DNASE1: variants seen among roughly 807,000 people sequenced by gnomAD.
DNASE1 encodes deoxyribonuclease 1, also known as deoxyribonuclease-1.
Under a neutral mutation model 33.9 loss-of-function variants are expected in DNASE1, and 40 were observed. The ratio of observed to expected loss-of-function variants is 1.18; its 90% CI spans 0.92 to 1.54. The LOEUF (loss-of-function observed/expected upper bound fraction) is 1.54, where lower values mean the gene tolerates loss of function less well. Among genes scored for constraint, DNASE1 ranks in the 40% most tolerant of loss-of-function variants. DNASE1 has a pLI of 0.00. For missense variants in DNASE1, 518 were observed against 372.6 expected (o/e 1.39, Z -3.21); for synonymous variants, 216 against 160.0 (o/e 1.35, Z -2.64).
intron 1 of DNASE1, among the ~76,000 whole-genome samples, chr16:3,644,514 G>T (rs1316124022): frequency 6.6e-6 from 1 of 151,966 alleles, no homozygotes; most frequent in African/African-American, 2.4e-5. Context: ...AGTGAGCCAA[G>T]ATTGCACCCC....
chr16:3,623,053 A>C (rs558365962), intron 1 of DNASE1, among the ~76,000 whole-genome samples: 51 of 152,118 alleles, frequency 3.4e-4, no homozygotes, highest in South Asian at 1.2e-3. Context: ...ACGTCCCCCC[A>C]AAAAAATTAG....
Position 3,655,585 on chromosome 16 carries a change from G to GC in DNASE1, c.147+67dup. ...CTGGAGTCTAGGGCTGGTGGGCAGG[G>GC]CCAGCCCTATGGAGCCACAGGGTGT... On this transcript the variant is annotated intron_variant, in intron 2 of 8. Coordinates refer to ENST00000246949, the MANE Select transcript of DNASE1 (RefSeq NM_005223.4). 6 of 1,606,894 alleles carry GC rather than the reference G, an allele frequency of 3.7e-6. No individual in the cohort carries two copies. In the Middle Eastern group the frequency reaches 9.9e-4, roughly 266 times the overall value.
chr16:3,615,541 G>A (rs905507225), intron 1 of DNASE1, among the ~76,000 whole-genome samples: 3 of 152,190 alleles, frequency 2.0e-5, no homozygotes, highest in African/African-American at 7.2e-5. Flanking sequence ...CATTTGAGGC[G>A]GAAACCCACT....
intron 1 of DNASE1, among the ~76,000 whole-genome samples, chr16:3,633,748 C>T (rs2041776369): frequency 6.6e-6 from 1 of 152,136 alleles, no homozygotes; most frequent in Non-Finnish European, 1.5e-5. Context: ...TCAGTTCATC[C>T]TTACTGTCCC....
At chr16:3,615,067 T>A (rs1290740337) in intron 1 of DNASE1, among the ~76,000 whole-genome samples, 1 of 130,812 alleles carries the variant, frequency 7.6e-6, no homozygotes, top group Non-Finnish European at 1.7e-5. Flanking sequence ...ACCTGTGGAA[T>A]TTTTTTTTTT....
In DNASE1 at chr16:3,657,727, G is replaced by T. The variant is rs200149984; in HGVS notation, c.712G>T (p.Val238Phe). 2 of 1,614,052 alleles carry T rather than the reference G, an allele frequency of 1.2e-6. No homozygotes were observed. Among genetic ancestry groups the T allele is most frequent in the East Asian group, 2.2e-5 (1 of 44,884 alleles). ...PTHCAYDRIV[V>F]AGMLLRGAVV... is the part of the protein sequence containing the mutation. ...CTTCCCAACACCCATCAGGATCGTG[G>T]TTGCAGGGATGCTGCTCCGAGGCGC... Residue 238 changes from valine (V) to phenylalanine (F), a missense_variant, in exon 8 of 9, where the codon GTT (valine) becomes TTT (phenylalanine). Val to Phe is a conservative substitution (Grantham distance 50). Transcript: ENST00000246949.
chr16:3,636,625 C>G (rs556998731), intron 1 of DNASE1, among the ~76,000 whole-genome samples: 79 of 151,674 alleles, frequency 5.2e-4, no homozygotes, highest in South Asian at 3.7e-3. Flanking sequence ...AGTTCAAGAC[C>G]AGCCTGGGCA....
At chr16:3,644,748 G>T (rs1231373645) in intron 1 of DNASE1, among the ~76,000 whole-genome samples, 1 of 144,106 alleles carries the variant, frequency 6.9e-6, no homozygotes, top group African/African-American at 2.6e-5. Context: ...AAAAAAAAAA[G>T]AAATAAAAAA....
intron 1 of DNASE1, among the ~76,000 whole-genome samples, chr16:3,644,453 C>G (rs1189606626): frequency 6.6e-6 from 1 of 152,076 alleles, no homozygotes; most frequent in Non-Finnish European, 1.5e-5. Flanking sequence ...ATCCCAGCTA[C>G]TCAGGATGCT....
chr16:3,634,032 G>A lies in DNASE1; in HGVS notation c.-1358-6683G>A, dbSNP rs141705134. ...TCACCATGTTGGCCAGGATGGTCTC[G>A]ATCTCCTGACCTCGTGATCCGCCCG... is the stretch of plus-strand genomic sequence containing the variant. On this transcript the variant is annotated intron_variant and NMD_transcript_variant, in intron 1 of 11. Transcript: ENST00000570769. Among the ~76,000 whole-genome samples, 537 of 151,642 alleles carry A rather than the reference G, an allele frequency of 3.5e-3. 3 individuals carry two copies. The highest frequency in any genetic ancestry group is 0.012 in the African/African-American group (508 of 41,336).
chr16:3,660,237 G>C (rs1474844754), downstream of DNASE1: 1 of 152,264 alleles, frequency 6.6e-6, no homozygotes, highest in Non-Finnish European at 1.5e-5. Flanking sequence ...AAATACAAAA[G>C]CCCTAATGCT....
Position 3,657,330 on chromosome 16 carries a change from T to C in DNASE1, c.693T>C (p.Cys231=), listed in dbSNP as rs2042732142. The C allele has an allele frequency of 6.2e-7, 1 of 1,613,342 alleles. No individual in the cohort carries two copies. Residue 231 remains cysteine, a synonymous_variant, in exon 7 of 9, where the codon TGT becomes TGC. Transcript: ENST00000246949. ...ACACCACAGCTACACCCACGCACTG[T>C]GCCTATGACAGGTGAGCAGGGCCTC... is the stretch of plus-strand genomic sequence containing the variant. ...SADTTATPTH[C]AYDRIVVAGM...
In DNASE1 at chr16:3,658,026, C is replaced by T; in HGVS notation, c.*73C>T. On this transcript the variant is annotated 3_prime_UTR_variant, in exon 9 of 9. Coordinates refer to ENST00000246949, the MANE Select transcript of DNASE1 (RefSeq NM_005223.4). ...CTGCCACAGGACCCAGAAAAAAAGC[C>T]CAACACACACTCGGGTTAAGAAATA... 2 of 1,610,252 alleles carry T rather than the reference C, an allele frequency of 1.2e-6. No homozygotes were observed. Among genetic ancestry groups the T allele is most frequent in the Non-Finnish European group, 1.7e-6 (2 of 1,177,864 alleles).
chr16:3,658,884 C>CAGAAAAAGCAGCTCAGT, downstream of DNASE1: 1 of 1,613,742 alleles, frequency 6.2e-7, no homozygotes, highest in South Asian at 1.1e-5. Context: ...CAGAACCCAC[C>CAGAAAAAGCAGCTCAGT]AGAAAAAGCA....
At chr16:3,624,836 C>T (rs769778245) in intron 1 of DNASE1, among the ~76,000 whole-genome samples, 10 of 152,132 alleles carry the variant, frequency 6.6e-5, no homozygotes, top group Non-Finnish European at 1.0e-4. Flanking sequence ...ATATAGGTTT[C>T]TTCCAGCACA....
chr16:3,658,422 T>C, downstream of DNASE1: 2 of 604,902 alleles, frequency 3.3e-6, no homozygotes, highest in Non-Finnish European at 5.8e-6. Flanking sequence ...GCCTGGCCAT[T>C]TTTCCGTTTT....
intron 4 of DNASE1, 145 bp from the exon 5 acceptor site, chr16:3,656,493 C>T (rs1047703199): frequency 3.0e-5 from 18 of 597,752 alleles, no homozygotes; most frequent in East Asian, 2.0e-4. Flanking sequence ...GCCCTCCTGT[C>T]GCCTGGGTCC....
intron 1 of DNASE1, among the ~76,000 whole-genome samples, chr16:3,622,874 G>GAGAACGTA (rs1247443096): frequency 6.6e-6 from 1 of 152,080 alleles, no homozygotes; most frequent in East Asian, 1.9e-4. Flanking sequence ...TTCTCTTAAT[G>GAGAACGTA]ATGCCTTGTA....
At chr16:3,642,574 C>T (rs1307931446), upstream of DNASE1, among the ~76,000 whole-genome samples, 2 of 152,188 alleles carry the variant, frequency 1.3e-5, no homozygotes, top group South Asian at 2.1e-4. Flanking sequence ...GCCCTGCTCT[C>T]GGTGCTGCCG....
Sources: allele counts gnomAD v4.1 joint callset (sites outside exome capture counted in the v4.1 genomes callset), GRCh38; gene constraint gnomAD v4.1.1; transcripts MANE v1.5; gene names NCBI Gene and HGNC (gene_info 2026-07-23, HGNC 2026-07-21).